GALNTL6: variants seen among roughly 807,000 people sequenced by gnomAD.
GALNTL6 encodes polypeptide N-acetylgalactosaminyltransferase like 6.
GALNTL6 carries 46 observed loss-of-function variants against 73.7 expected under a neutral mutation model. The ratio of observed to expected loss-of-function variants is 0.62; its 90% CI spans 0.49 to 0.80. The LOEUF (loss-of-function observed/expected upper bound fraction) is 0.80. Among genes scored for constraint, GALNTL6 ranks in the 30% least tolerant of loss-of-function variants. GALNTL6 has a pLI of 0.00. For synonymous variants in GALNTL6, 259 were observed against 263.7 expected, an observed-to-expected ratio of 0.98 and a Z score of 0.17; for missense variants, 604 against 755.0, an observed-to-expected ratio of 0.80 and a Z score of 2.34.
At chr4:172,083,514 A>G (rs1175121857) in intron 2 of GALNTL6, among the ~76,000 whole-genome samples, 1 of 152,190 alleles carries the variant, frequency 6.6e-6, no homozygotes, top group Non-Finnish European at 1.5e-5. Flanking sequence ...GGGCCTTTGC[A>G]TTAACTGTAT....
At chr4:172,455,481 C>T (rs1209876157) in intron 5 of GALNTL6, among the ~76,000 whole-genome samples, 6 of 152,176 alleles carry the variant, frequency 3.9e-5, no homozygotes, top group South Asian at 2.1e-4. Flanking sequence ...GCTGCGAGCA[C>T]AGCAGCCTGA....
At chr4:172,731,732 T>G (rs565763417) in intron 5 of GALNTL6, among the ~76,000 whole-genome samples, 27 of 152,170 alleles carry the variant, frequency 1.8e-4, no homozygotes, top group Non-Finnish European at 3.2e-4. Flanking sequence ...CCATAGAGTT[T>G]GGCATTTTGC....
intron 5 of GALNTL6, among the ~76,000 whole-genome samples, chr4:172,755,471 T>C (rs942209192): frequency 2.6e-5 from 4 of 152,316 alleles, no homozygotes; most frequent in Admixed American, 1.3e-4. Context: ...CCCTGCTGTT[T>C]CCATCAGTTG....
At chr4:172,490,187 A>G (rs550977592) in intron 5 of GALNTL6, among the ~76,000 whole-genome samples, 8 of 152,324 alleles carry the variant, frequency 5.3e-5, no homozygotes, top group East Asian at 1.9e-4. Flanking sequence ...GAAAGAGTCT[A>G]TTTGAGTTGA....
intron 2 of GALNTL6, among the ~76,000 whole-genome samples, chr4:171,952,072 CTAATT>C (rs1347696797): frequency 1.3e-5 from 2 of 151,858 alleles, no homozygotes; most frequent in Non-Finnish European, 1.5e-5. Context: ...AATAAAGTAA[CTAATT>C]TAAAGAGTTT....
At chr4:172,447,215 TA>T (rs1732054041) in intron 5 of GALNTL6, among the ~76,000 whole-genome samples, 1 of 152,182 alleles carries the variant, frequency 6.6e-6, no homozygotes, top group African/African-American at 2.4e-5. Flanking sequence ...TTTGAGACAC[TA>T]TTTCACAGAA....
chr4:172,305,382 T>A (rs1420750278), intron 3 of GALNTL6, among the ~76,000 whole-genome samples: 1 of 152,142 alleles, frequency 6.6e-6, no homozygotes, highest in Admixed American at 6.6e-5. Flanking sequence ...ATTTTGATTA[T>A]TTAAAACATC....
At chr4:172,667,626 G>T (rs1203140359) in intron 5 of GALNTL6, 3 of 152,264 alleles carry the variant, frequency 2.0e-5, no homozygotes, top group Admixed American at 6.5e-5. Context: ...ATTCTTTTTG[G>T]GGTGGCATCT....
At position 172,804,228 on chromosome 4, in the gene GALNTL6, A is replaced by G. The variant is rs193257710; in HGVS notation, c.554-5133A>G. 4.5e-3 allele frequency among the ~76,000 whole-genome samples: 689 copies of G among 152,326 alleles called. 4 individuals are homozygous for G. Among genetic ancestry groups the G allele is most frequent in the African/African-American group, 0.015 (638 of 41,568 alleles). On this transcript the variant is annotated intron_variant, in intron 5 of 12. Coordinates refer to ENST00000506823, the MANE Select transcript of GALNTL6 (RefSeq NM_001034845.3). Reference sequence around the variant, plus strand: ...AAAACCTCAAAATACCCAGAATAAGAGTTGCACTTAATAGTACATTCTTGT... The same window carrying G: ...AAAACCTCAAAATACCCAGAATAAGGGTTGCACTTAATAGTACATTCTTGT...
intron 2 of GALNTL6, among the ~76,000 whole-genome samples, chr4:171,967,068 A>T (rs1656065690): frequency 6.6e-6 from 1 of 152,236 alleles, no homozygotes; most frequent in African/African-American, 2.4e-5. Flanking sequence ...CAATCCCATT[A>T]TCAAAACCTC....
At chr4:171,905,736 C>G (rs1459494796) in intron 2 of GALNTL6, among the ~76,000 whole-genome samples, 2 of 151,136 alleles carry the variant, frequency 1.3e-5, no homozygotes, top group African/African-American at 2.5e-5. Flanking sequence ...TGACCACATA[C>G]TTGGAAGTAA....
intron 8 of GALNTL6, 130 bp from the exon 9 acceptor site, chr4:172,931,031 C>A: frequency 1.5e-6 from 1 of 651,540 alleles, no homozygotes; most frequent in Non-Finnish European, 2.7e-6. Context: ...TCTGGTTAGC[C>A]ATTTATAATA....
At chr4:172,927,255 T>A (rs1487012412) in intron 8 of GALNTL6, among the ~76,000 whole-genome samples, 1 of 152,188 alleles carries the variant, frequency 6.6e-6, no homozygotes, top group Non-Finnish European at 1.5e-5. Flanking sequence ...AACAATTACA[T>A]AGTCACATCT....
chr4:172,428,479 C>T (rs1430247507), intron 5 of GALNTL6, among the ~76,000 whole-genome samples: 1 of 152,138 alleles, frequency 6.6e-6, no homozygotes, highest in African/African-American at 2.4e-5. Flanking sequence ...GACTCTCTAA[C>T]AAAATTGCAT....
chr4:171,831,262 A>C (rs1035087080), intron 2 of GALNTL6, among the ~76,000 whole-genome samples: 1 of 152,060 alleles, frequency 6.6e-6, no homozygotes, highest in Admixed American at 6.6e-5. Flanking sequence ...GAGAAAAATC[A>C]AAGGTAAAAC....
At chr4:172,496,018 T>C (rs528713640) in intron 5 of GALNTL6, among the ~76,000 whole-genome samples, 107 of 152,306 alleles carry the variant, frequency 7.0e-4, no homozygotes, top group African/African-American at 2.5e-3. Context: ...ACTATACCGT[T>C]TGTGCGTTTT....
At chr4:172,914,965 C>T (rs1284318907) in intron 8 of GALNTL6, among the ~76,000 whole-genome samples, 1 of 152,184 alleles carries the variant, frequency 6.6e-6, no homozygotes, top group Non-Finnish European at 1.5e-5. Context: ...AGCACCACAT[C>T]GCACTTATTT....
chr4:172,927,734 A>T (rs1156832865), intron 8 of GALNTL6, among the ~76,000 whole-genome samples: 1 of 152,158 alleles, frequency 6.6e-6, no homozygotes, highest in East Asian at 1.9e-4. Flanking sequence ...CTTTTTCACA[A>T]TGGAGTAGCC....
At chr4:172,528,985 A>G (rs1735074730) in intron 5 of GALNTL6, among the ~76,000 whole-genome samples, 1 of 31,444 alleles carries the variant, frequency 3.2e-5, no homozygotes, top group Admixed American at 5.1e-4. Context: ...ATTTATACAT[A>G]TGTGTGTATA....
Sources: gnomAD v4.1 joint callset for allele counts (sites outside exome capture counted in the v4.1 genomes callset) on GRCh38, gnomAD v4.1.1 for gene constraint, MANE v1.5 for transcripts, NCBI Gene and HGNC (gene_info 2026-07-23, HGNC 2026-07-21) for gene names.